SEM1: variants seen among roughly 807,000 people sequenced by gnomAD.
SEM1 encodes 26S proteasome complex subunit SEM1.
Under a neutral mutation model 12.7 loss-of-function variants are expected in SEM1, and 3 were observed. The observed-to-expected ratio is 0.24, with a 90% CI of 0.11 to 0.61. The LOEUF is 0.61. Among genes scored for constraint, SEM1 ranks in the 20% least tolerant of loss-of-function variants. The pLI is 0.88. For missense variants in SEM1, 59 were observed against 81.3 expected (o/e 0.73, Z 1.06); for synonymous variants, 30 against 27.8 (o/e 1.08, Z -0.25).
chr7:96,535,105 T>C (rs536894763), intron 2 of SEM1, among the ~76,000 whole-genome samples: 1 of 152,092 alleles, frequency 6.6e-6, no homozygotes, highest in East Asian at 1.9e-4. Flanking sequence ...TACTTCAAGG[T>C]AGCCATCTGC....
At chr7:96,547,083 T>G (rs1805124234) in intron 2 of SEM1, among the ~76,000 whole-genome samples, 1 of 152,146 alleles carries the variant, frequency 6.6e-6, no homozygotes, top group Non-Finnish European at 1.5e-5. Flanking sequence ...AACACCTGTT[T>G]GTTATTGAGA....
At chr7:96,504,059 T>C (rs1471399730) in intron 3 of SEM1, among the ~76,000 whole-genome samples, 2 of 152,136 alleles carry the variant, frequency 1.3e-5, no homozygotes, top group Non-Finnish European at 2.9e-5. Context: ...AAGGGTTCCC[T>C]TTAAGGGTCT....
At chr7:96,695,055 T>C (rs767154715) in intron 1 of SEM1, 164 bp from the exon 2 acceptor site, 3 of 437,890 alleles carry the variant, frequency 6.9e-6, no homozygotes, top group Non-Finnish European at 1.2e-5. Flanking sequence ...GCTGTCTAGT[T>C]CTCTCAATTC....
chr7:96,702,066 T>TG (rs1790290660), intron 1 of SEM1, among the ~76,000 whole-genome samples: 1 of 151,996 alleles, frequency 6.6e-6, no homozygotes, highest in Non-Finnish European at 1.5e-5. Flanking sequence ...GGGCACCTGT[T>TG]GGGGGCAGCA....
intron 2 of SEM1, among the ~76,000 whole-genome samples, chr7:96,598,018 C>T (rs1052632284): frequency 6.6e-6 from 1 of 152,134 alleles, no homozygotes; most frequent in African/African-American, 2.4e-5. Flanking sequence ...ATGGTTTCCT[C>T]AGTCATTTTC....
In SEM1 at chr7:96,581,934, T is replaced by C. The variant is rs574046631; in HGVS notation, c.171-75236A>G. ...ATCTGCAAACAGGGACAATGTGACT[T>C]CCTCTTTTCCTCTTTGAATACCCTT... On this transcript the variant is annotated intron_variant and NMD_transcript_variant, in intron 2 of 3. Transcript: ENST00000466986. Among the ~76,000 whole-genome samples the C allele has an allele frequency of 2.0e-3, 308 of 152,178 alleles. 1 individual carries two copies. The highest frequency in any genetic ancestry group is 7.1e-3 in the African/African-American group (295 of 41,516).
At chr7:96,677,016 T>C (rs1014608804) in intron 2 of SEM1, among the ~76,000 whole-genome samples, 3 of 152,188 alleles carry the variant, frequency 2.0e-5, no homozygotes, top group Non-Finnish European at 4.4e-5. Flanking sequence ...CCTGCTAAGA[T>C]AAAGCAAATC....
At chr7:96,665,461 T>C (rs533465236) in intron 2 of SEM1, among the ~76,000 whole-genome samples, 203 of 152,324 alleles carry the variant, frequency 1.3e-3, no homozygotes, top group African/African-American at 4.7e-3. Flanking sequence ...AAAGGAAATG[T>C]AGCAACTCTA....
At chr7:96,650,439 T>A (rs1358579994) in intron 2 of SEM1, 1 of 732,276 alleles carries the variant, frequency 1.4e-6, no homozygotes, top group Non-Finnish European at 2.5e-6. Flanking sequence ...GCCCAATGTG[T>A]CCTTCATCTG....
intron 2 of SEM1, among the ~76,000 whole-genome samples, chr7:96,556,004 G>C (rs1245708652): frequency 2.1e-5 from 2 of 95,178 alleles, no homozygotes; most frequent in East Asian, 7.1e-4. Context: ...CAGAGACTAG[G>C]ATTGCAACCC....
chr7:96,705,082 T>C (rs1260910131), intron 1 of SEM1, among the ~76,000 whole-genome samples: 3 of 152,182 alleles, frequency 2.0e-5, no homozygotes, highest in African/African-American at 7.2e-5. Flanking sequence ...ATGCCTCATT[T>C]ATTCCAGAAT....
At chr7:96,677,203 G>A (rs181789138) in intron 2 of SEM1, among the ~76,000 whole-genome samples, 16 of 152,278 alleles carry the variant, frequency 1.1e-4, no homozygotes, top group African/African-American at 3.1e-4. Context: ...AGAGGCCCAG[G>A]ACAGCTTCTC....
intron 2 of SEM1, among the ~76,000 whole-genome samples, chr7:96,693,181 TTC>T (rs74273189): frequency 0.089 from 13,472 of 152,032 alleles, 736 homozygotes; most frequent in East Asian, 0.15. Flanking sequence ...CTATTTCACT[TTC>T]TGTTTGAACA....
chr7:96,665,568 C>G (rs555309210), intron 2 of SEM1, among the ~76,000 whole-genome samples: 1 of 152,256 alleles, frequency 6.6e-6, no homozygotes, highest in Non-Finnish European at 1.5e-5. Context: ...TATTTTTACT[C>G]AGGAATTTCA....
intron 2 of SEM1, among the ~76,000 whole-genome samples, chr7:96,690,993 G>A (rs1317336427): frequency 6.6e-6 from 1 of 152,054 alleles, no homozygotes; most frequent in Non-Finnish European, 1.5e-5. Flanking sequence ...GGATGGTCTC[G>A]ATCTCCTGAC....
At chr7:96,666,554 T>G (rs771139333) in intron 2 of SEM1, among the ~76,000 whole-genome samples, 1 of 152,178 alleles carries the variant, frequency 6.6e-6, no homozygotes, top group Non-Finnish European at 1.5e-5. Context: ...ATATAATGAT[T>G]ATTACTTGGT....
chr7:96,691,552 T>C (rs1439202162), intron 2 of SEM1, among the ~76,000 whole-genome samples: 1 of 152,152 alleles, frequency 6.6e-6, no homozygotes, highest in East Asian at 1.9e-4. Context: ...TTAAATAGGA[T>C]TAGGACCAAA....
chr7:96,677,472 T>A (rs529891378), intron 2 of SEM1, among the ~76,000 whole-genome samples: 6 of 152,174 alleles, frequency 3.9e-5, no homozygotes, highest in African/African-American at 1.4e-4. Context: ...CACAAAGAGA[T>A]ATAGATATCA....
intron 2 of SEM1, among the ~76,000 whole-genome samples, chr7:96,587,125 T>C (rs1278414892): frequency 6.6e-6 from 1 of 152,176 alleles, no homozygotes; most frequent in African/African-American, 2.4e-5. Context: ...AGAACACCAA[T>C]ATTAAACATG....
Sources: allele counts gnomAD v4.1 joint callset (sites outside exome capture counted in the v4.1 genomes callset), GRCh38; gene constraint gnomAD v4.1.1; transcripts MANE v1.5; gene names NCBI Gene and HGNC (gene_info 2026-07-23, HGNC 2026-07-21).